The following COX14 variants were observed in gnomAD, a reference collection of about 807,000 sequenced individuals.
COX14 encodes cytochrome c oxidase assembly factor COX14, also known as cytochrome c oxidase assembly protein COX14.
Under a neutral mutation model 5.8 loss-of-function variants are expected in COX14, and 3 were observed. That is an observed-to-expected ratio of 0.51 (90% confidence interval 0.23 to 1.33). The LOEUF (loss-of-function observed/expected upper bound fraction) is 1.33. COX14 is among the 40% of genes most tolerant of loss of function. The pLI is 0.18. For synonymous variants in COX14, 25 were observed against 26.1 expected, an observed-to-expected ratio of 0.96 and a Z score of 0.13; for missense variants, 72 against 72.1, an observed-to-expected ratio of 1.00 and a Z score of 0.01.
In COX14 at chr12:50,120,187, A is replaced by T. The variant is rs150721817; in HGVS notation, c.144A>T (p.Ala48=). The change falls in exon 2 of 2, where the codon GCA becomes GCT. Residue 48 remains alanine (A), a synonymous_variant. Coordinates refer to ENST00000550487, the MANE Select transcript of COX14 (RefSeq NM_032901.4). ...GGCGCAGGGCCCAGCGCCAGGCCGC[A>T]GAAGAACAGAAGACCTCAGGAATCA... ...FQWRRAQRQA[A]EEQKTSGIM 6.2e-7 allele frequency: 1 copy of T among 1,614,162 alleles called. No individual in the cohort carries two copies. Among genetic ancestry groups the T allele is most frequent in the Admixed American group, 1.7e-5 (1 of 60,014 alleles).
chr12:50,120,310 C>T lies in COX14; in HGVS notation c.*93C>T, dbSNP rs1059627. The T allele has an allele frequency of 2.3e-3, 2,522 of 1,101,460 alleles. 35 individuals are homozygous for T. The African/African-American group carries it at 0.035, about 15-fold the overall frequency. The allele number at this position is 1,101,460 out of a possible 1,614,324, so 68.2% of individuals were successfully genotyped here. A position where few individuals can be genotyped will look rare whatever the true frequency, so the allele number is the denominator to read the frequency against. ...CATTTCCAGGTCAACAGGACTAGAG[C>T]GTTGATGGTTTTCAAACCCTGTTGG... On this transcript the variant is annotated 3_prime_UTR_variant, in exon 2 of 2. Transcript: ENST00000550487.
At chr12:50,112,567 C>A in intron 1 of COX14, 1 of 716,820 alleles carries the variant, frequency 1.4e-6, no homozygotes, top group Non-Finnish European at 1.7e-6. Context: ...CGACCCTCCA[C>A]GCTCCAACTC....
chr12:50,119,512 A>G (rs951848809), intron 1 of COX14, among the ~76,000 whole-genome samples: 3 of 152,182 alleles, frequency 2.0e-5, no homozygotes, highest in African/African-American at 4.8e-5. Flanking sequence ...GGCAACATAC[A>G]TAGCAAGACC....
At chr12:50,113,921 C>T (rs1379682218) in intron 1 of COX14, among the ~76,000 whole-genome samples, 1 of 151,882 alleles carries the variant, frequency 6.6e-6, no homozygotes, top group Non-Finnish European at 1.5e-5. Context: ...GTGGCTCACG[C>T]CCAGCCTTTT....
chr12:50,114,770 A>ATTTT (rs71083507), intron 1 of COX14, among the ~76,000 whole-genome samples: 24 of 70,656 alleles, frequency 3.4e-4, no homozygotes, highest in African/African-American at 4.3e-4. Context: ...GAGTATCTTA[A>ATTTT]TTTTTTTTTT....
intron 1 of COX14, among the ~76,000 whole-genome samples, chr12:50,117,450 A>G (rs1294254839): frequency 6.6e-6 from 1 of 152,104 alleles, no homozygotes; most frequent in Non-Finnish European, 1.5e-5. Flanking sequence ...CCAAAAACTA[A>G]AAATAGGGCC....
Position 50,117,735 on chromosome 12 carries a change from G to A in COX14, c.-8-2301G>A, listed in dbSNP as rs866069848. ...CAGGGACGCAGGCATGCACCACCAC[G>A]CTGGGCTAATTTTTTTTTTTTTTTT... On this transcript the variant is annotated intron_variant, in intron 1 of 1. Coordinates refer to ENST00000550487, the MANE Select transcript of COX14 (RefSeq NM_032901.4). Among the ~76,000 whole-genome samples the A allele has an allele frequency of 2.1e-5, 3 of 141,480 alleles. 1 individual carries two copies. The highest frequency in any genetic ancestry group is 8.1e-5 in the African/African-American group (3 of 36,820). 92.8% of individuals were successfully genotyped at this position (141,480 alleles called of 152,430 possible).
intron 1 of COX14, among the ~76,000 whole-genome samples, chr12:50,119,654 C>A (rs1268956171): frequency 6.6e-6 from 1 of 152,170 alleles, no homozygotes; most frequent in Non-Finnish European, 1.5e-5. Context: ...ATACTCACAC[C>A]ACTGCACTCC....
intron 1 of COX14, among the ~76,000 whole-genome samples, chr12:50,115,399 T>G (rs1592309170): frequency 1.3e-5 from 2 of 151,236 alleles, no homozygotes; most frequent in Admixed American, 1.3e-4. Flanking sequence ...GTATTTTTAC[T>G]AGAGACGGGG....
At chr12:50,117,937 G>A (rs1217895219) in intron 1 of COX14, among the ~76,000 whole-genome samples, 2 of 151,828 alleles carry the variant, frequency 1.3e-5, no homozygotes, top group Non-Finnish European at 2.9e-5. Context: ...TAGAGACAGG[G>A]TTTCACCATG....
chr12:50,112,901 G>A (rs961385497), intron 1 of COX14: 3 of 82,776 alleles, frequency 3.6e-5, no homozygotes, highest in African/African-American at 6.0e-5. Flanking sequence ...TCCGTAGCAT[G>A]ATGTACGTTA....
At chr12:50,113,847 G>A (rs1951053565) in intron 1 of COX14, among the ~76,000 whole-genome samples, 1 of 151,882 alleles carries the variant, frequency 6.6e-6, no homozygotes, top group South Asian at 2.1e-4. Flanking sequence ...TGGCCAAGAT[G>A]GTCTCGAACT....
intron 1 of COX14, chr12:50,112,870 G>A (rs1270802582): frequency 6.7e-6 from 1 of 150,280 alleles, no homozygotes; most frequent in Non-Finnish European, 1.5e-5. Flanking sequence ...TATGACAGAA[G>A]CCATGTTCTT....
intron 1 of COX14, among the ~76,000 whole-genome samples, chr12:50,119,410 T>G (rs1373207943): frequency 6.6e-6 from 1 of 152,172 alleles, no homozygotes; most frequent in African/African-American, 2.4e-5. Context: ...CAGCCCTGGC[T>G]GGTGCAGTGG....
At chr12:50,116,913 G>A (rs1951084933) in intron 1 of COX14, among the ~76,000 whole-genome samples, 1 of 152,196 alleles carries the variant, frequency 6.6e-6, no homozygotes, top group East Asian at 1.9e-4. Context: ...CTGCCTCAAA[G>A]GCAATGTTCA....
intron 1 of COX14, among the ~76,000 whole-genome samples, chr12:50,113,866 CAGG>C (rs1169876811): frequency 6.6e-6 from 1 of 151,974 alleles, no homozygotes; most frequent in African/African-American, 2.4e-5. Flanking sequence ...CTCCTGACCT[CAGG>C]TTATCAGCCC....
At chr12:50,119,944 G>A in intron 1 of COX14, 92 bp from the exon 2 acceptor site, 3 of 993,624 alleles carry the variant, frequency 3.0e-6, no homozygotes, top group East Asian at 4.8e-5. Flanking sequence ...AGACCAAGCA[G>A]GATGCAGAAG....
At chr12:50,113,656 G>A (rs11169272) in intron 1 of COX14, among the ~76,000 whole-genome samples, 3,627 of 150,818 alleles carry the variant, frequency 0.024, 142 homozygotes, top group African/African-American at 0.083. Flanking sequence ...TTTTTGAGAC[G>A]GAGTCTCGCC....
chr12:50,115,652 A>G (rs972770832), intron 1 of COX14, among the ~76,000 whole-genome samples: 7 of 149,936 alleles, frequency 4.7e-5, no homozygotes, highest in Non-Finnish European at 1.0e-4. Flanking sequence ...CCTGGGCTCA[A>G]GCGATCCTCC....
Sources: gnomAD v4.1 joint callset for allele counts (sites outside exome capture counted in the v4.1 genomes callset) on GRCh38, gnomAD v4.1.1 for gene constraint, MANE v1.5 for transcripts, NCBI Gene and HGNC (gene_info 2026-07-23, HGNC 2026-07-21) for gene names.